The following NPAS3 variants were observed in gnomAD, a reference collection of about 807,000 sequenced individuals.
The protein encoded by NPAS3 is neuronal PAS domain protein 3, also known as neuronal PAS domain-containing protein 3.
Under a neutral mutation model 73.1 loss-of-function variants are expected in NPAS3, and 14 were observed. The observed-to-expected ratio is 0.19, with a 90% confidence interval of 0.13 to 0.30. The LOEUF is 0.30. Among genes scored for constraint, NPAS3 ranks in the 10% least tolerant of loss-of-function variants. The probability of loss-of-function intolerance (pLI) is 1.00; values close to 1 mark genes in which losing one functional copy is unlikely to be tolerated. For missense variants in NPAS3, 1,096 were observed against 1,250.0 expected (o/e 0.88, Z 1.86); for synonymous variants, 620 against 541.5 (o/e 1.14, Z -2.01).
chr14:33,582,340 C>T (rs1303198666), intron 5 of NPAS3, among the ~76,000 whole-genome samples: 2 of 152,078 alleles, frequency 1.3e-5, no homozygotes, highest in Non-Finnish European at 2.9e-5. Context: ...AAAGGATGAT[C>T]CCAAAAGGCT....
chr14:33,367,234 T>A, exon 4 of NPAS3: 1 of 868,154 alleles, frequency 1.2e-6, no homozygotes, highest in Non-Finnish European at 2.0e-6. Context: ...GCCATTGAAG[T>A]ATTTGAAGCA....
intron 1 of NPAS3, among the ~76,000 whole-genome samples, chr14:33,038,431 C>CA (rs1338865875): frequency 6.6e-6 from 1 of 151,570 alleles, no homozygotes; most frequent in African/African-American, 2.4e-5. Flanking sequence ...AACAAACAAA[C>CA]AAAAAAACAA....
intron 6 of NPAS3, among the ~76,000 whole-genome samples, chr14:33,719,999 T>A (rs1743768384): frequency 1.3e-5 from 2 of 152,118 alleles, no homozygotes; most frequent in South Asian, 4.1e-4. Flanking sequence ...GAAAAGCTAG[T>A]GTAGAAATTA....
chr14:33,404,369 C>G (rs1428054050), intron 4 of NPAS3, among the ~76,000 whole-genome samples: 1 of 152,122 alleles, frequency 6.6e-6, no homozygotes, highest in Non-Finnish European at 1.5e-5. Context: ...CATGGTGACA[C>G]ATAAGGCACT....
chr14:33,547,492 A>G (rs550469532), intron 4 of NPAS3, among the ~76,000 whole-genome samples: 1 of 152,306 alleles, frequency 6.6e-6, no homozygotes, highest in East Asian at 1.9e-4. Context: ...GAGTTGGTTC[A>G]CTGCCCTGGG....
intron 4 of NPAS3, among the ~76,000 whole-genome samples, chr14:33,472,760 G>T (rs967434391): frequency 2.7e-5 from 4 of 150,332 alleles, no homozygotes; most frequent in African/African-American, 1.0e-4. Context: ...TGTGAAAGCA[G>T]GTTTTGCTAT....
chr14:33,122,559 T>A (rs949462022), intron 2 of NPAS3, among the ~76,000 whole-genome samples: 12 of 152,144 alleles, frequency 7.9e-5, no homozygotes, highest in Admixed American at 7.9e-4. Context: ...AATACTATTA[T>A]CAGTGATGTT....
intron 4 of NPAS3, among the ~76,000 whole-genome samples, chr14:33,528,410 G>T (rs1196190855): frequency 2.0e-5 from 3 of 151,530 alleles, no homozygotes; most frequent in African/African-American, 7.3e-5. Flanking sequence ...CAATCTAGTG[G>T]GAAATATGGA....
intron 6 of NPAS3, among the ~76,000 whole-genome samples, chr14:33,701,753 C>G (rs561286932): frequency 3.3e-5 from 5 of 152,308 alleles, no homozygotes; most frequent in Non-Finnish European, 5.9e-5. Context: ...CATTTAACAA[C>G]TTTTTGAGTA....
intron 4 of NPAS3, among the ~76,000 whole-genome samples, chr14:33,515,377 C>G (rs2053249162): frequency 6.6e-6 from 1 of 151,992 alleles, no homozygotes; most frequent in Admixed American, 6.6e-5. Flanking sequence ...GAAAATCATT[C>G]CCATACTTGC....
At chr14:33,120,550 T>A (rs1443347289) in intron 2 of NPAS3, among the ~76,000 whole-genome samples, 1 of 151,842 alleles carries the variant, frequency 6.6e-6, no homozygotes, top group Non-Finnish European at 1.5e-5. Flanking sequence ...AGTGTTCAGT[T>A]TTCATTGTGA....
chr14:33,409,251 A>G (rs2047808432), intron 4 of NPAS3, among the ~76,000 whole-genome samples: 2 of 152,146 alleles, frequency 1.3e-5, no homozygotes, highest in South Asian at 4.1e-4. Flanking sequence ...ATAGTAACTG[A>G]TTAGAGGTGC....
At chr14:33,616,319 G>C (rs918168807) in intron 5 of NPAS3, among the ~76,000 whole-genome samples, 1 of 152,188 alleles carries the variant, frequency 6.6e-6, no homozygotes, top group African/African-American at 2.4e-5. Context: ...TAGTTGCTCT[G>C]TTCTGAAAGA....
At chr14:33,402,839 G>A (rs2047502630) in intron 4 of NPAS3, among the ~76,000 whole-genome samples, 1 of 152,154 alleles carries the variant, frequency 6.6e-6, no homozygotes, top group African/African-American at 2.4e-5. Context: ...ACTACAGAGA[G>A]GCACTGTTTT....
At chr14:32,942,329 C>T (rs2036051848) in intron 1 of NPAS3, among the ~76,000 whole-genome samples, 1 of 152,116 alleles carries the variant, frequency 6.6e-6, no homozygotes, top group Admixed American at 6.5e-5. Flanking sequence ...TATAGTAATA[C>T]AGTACCAAAG....
intron 2 of NPAS3, among the ~76,000 whole-genome samples, chr14:33,197,963 T>C (rs1481172018): frequency 6.6e-6 from 1 of 152,196 alleles, no homozygotes; most frequent in East Asian, 1.9e-4. Flanking sequence ...TCGGAGTTTC[T>C]TCCTTGTGGT....
rs144477203 is a variant in NPAS3, at chr14:33,722,023, A to G, written c.734-13191A>G. On this transcript the variant is annotated intron_variant, in intron 6 of 11. Coordinates refer to ENST00000356141, the Ensembl canonical transcript of NPAS3. ...TGGAGTCCCTGCTGTTGAGAGGATT[A>G]ACCACAAAACAATTATGACAAATGC... 1.8e-4 allele frequency among the ~76,000 whole-genome samples: 27 copies of G among 152,326 alleles called. No individual in the cohort carries two copies. The East Asian group carries it at 4.4e-3, about 25-fold the overall frequency.
chr14:33,772,329 C>A (rs1013663483), intron 7 of NPAS3, among the ~76,000 whole-genome samples: 1 of 152,112 alleles, frequency 6.6e-6, no homozygotes, highest in African/African-American at 2.4e-5. Flanking sequence ...CTTTGACCCC[C>A]TTCAATAGAC....
chr14:33,367,417 A>AT (rs2045894042), intron 4 of NPAS3, 149 bp downstream of exon 4: 5 of 534,462 alleles, frequency 9.4e-6, no homozygotes, highest in Non-Finnish European at 1.3e-5. Context: ...TTATGAGTTT[A>AT]TTTTTTTCTT....
Sources: gnomAD v4.1 joint callset for allele counts (sites outside exome capture counted in the v4.1 genomes callset) on GRCh38, gnomAD v4.1.1 for gene constraint, MANE v1.5 for transcripts, NCBI Gene and HGNC (gene_info 2026-07-23, HGNC 2026-07-21) for gene names.